RARB: variants seen among roughly 807,000 people sequenced by gnomAD.
RARB encodes retinoic acid receptor beta.
Under a neutral mutation model 51.9 loss-of-function variants are expected in RARB, and 17 were observed. That is an observed-to-expected ratio of 0.33 (90% CI 0.22 to 0.49). The LOEUF (loss-of-function observed/expected upper bound fraction) is 0.49. Among genes scored for constraint, RARB ranks in the 20% least tolerant of loss-of-function variants. The pLI, the probability that RARB is intolerant of heterozygous loss-of-function variation, is 0.99. For synonymous variants in RARB, 215 were observed against 195.4 expected (o/e 1.10, Z -0.84); for missense variants, 369 against 550.8 (o/e 0.67, Z 3.30).
intron 2 of RARB, among the ~76,000 whole-genome samples, chr3:25,035,177 A>G (rs1040276842): frequency 6.6e-6 from 1 of 152,196 alleles, no homozygotes; most frequent in African/African-American, 2.4e-5. Flanking sequence ...GCTGCAGTGC[A>G]GTGACACCAT....
In RARB at chr3:25,380,675, C is replaced by T. The variant is rs185208381; in HGVS notation, c.179-80518C>T. ...GCGTTTCCTGTATTTTAAAAGATTGCGAAATATTCTAAAGATGAAGAAGAA... is the reference window on the plus strand; with the variant it reads ...GCGTTTCCTGTATTTTAAAAGATTGTGAAATATTCTAAAGATGAAGAAGAA... On this transcript the variant is annotated intron_variant, in intron 5 of 11. Coordinates refer to the RARB transcript ENST00000383772. Among the ~76,000 whole-genome samples, 181 of 152,126 alleles carry T rather than the reference C, an allele frequency of 1.2e-3. 2 individuals are homozygous for T. Among genetic ancestry groups the T allele is most frequent in the South Asian group, 0.01 (50 of 4,818 alleles).
intron 2 of RARB, among the ~76,000 whole-genome samples, chr3:25,002,834 G>C (rs1395904534): frequency 6.6e-6 from 1 of 151,786 alleles, no homozygotes; most frequent in East Asian, 1.9e-4. Context: ...ATAATATAGG[G>C]ATAATAAGAA....
intron 2 of RARB, among the ~76,000 whole-genome samples, chr3:24,982,280 C>G (rs1696694557): frequency 6.6e-6 from 1 of 152,214 alleles, no homozygotes; most frequent in African/African-American, 2.4e-5. Context: ...GGTGGGCTAC[C>G]TTGGCTTTCT....
At chr3:25,319,443 G>T (rs1704508859) in intron 5 of RARB, among the ~76,000 whole-genome samples, 1 of 152,172 alleles carries the variant, frequency 6.6e-6, no homozygotes, top group Admixed American at 6.5e-5. Flanking sequence ...TCTGACAGCT[G>T]CATTATGGGT....
chr3:24,975,997 C>G (rs553140452), intron 2 of RARB, among the ~76,000 whole-genome samples: 1 of 152,202 alleles, frequency 6.6e-6, no homozygotes, highest in South Asian at 2.1e-4. Flanking sequence ...TCAACTCCCA[C>G]TTATGAGTGA....
At chr3:25,061,320 A>T (rs1414479734) in intron 3 of RARB, among the ~76,000 whole-genome samples, 1 of 151,912 alleles carries the variant, frequency 6.6e-6, no homozygotes, top group African/African-American at 2.4e-5. Context: ...ACTGGGAAGA[A>T]ATAAGGAATT....
intron 5 of RARB, among the ~76,000 whole-genome samples, chr3:25,183,261 AT>A (rs1465370861): frequency 6.6e-6 from 1 of 152,082 alleles, no homozygotes; most frequent in Admixed American, 6.6e-5. Context: ...AATGAATAAT[AT>A]TTGAAGAAAG....
intron 5 of RARB, among the ~76,000 whole-genome samples, chr3:25,347,712 G>T (rs1403100425): frequency 6.6e-6 from 1 of 152,162 alleles, no homozygotes; most frequent in Non-Finnish European, 1.5e-5. Flanking sequence ...ATCCATACCA[G>T]TTTTCAGGAT....
chr3:25,249,736 C>T (rs1575256339), intron 5 of RARB, among the ~76,000 whole-genome samples: 2 of 100,068 alleles, frequency 2.0e-5, no homozygotes, highest in Admixed American at 1.2e-4. Flanking sequence ...TCTGTGATTT[C>T]CTTTCTTAGT....
intron 4 of RARB, among the ~76,000 whole-genome samples, chr3:25,168,694 C>A (rs1348625954): frequency 2.0e-5 from 3 of 151,960 alleles, no homozygotes; most frequent in Admixed American, 6.6e-5. Context: ...GGATATCTTC[C>A]AGAAAAGAGA....
At chr3:25,526,030 GAA>G (rs1482321425) in intron 3 of RARB, among the ~76,000 whole-genome samples, 3 of 152,182 alleles carry the variant, frequency 2.0e-5, no homozygotes, top group Non-Finnish European at 4.4e-5. Flanking sequence ...AGGCAACAAA[GAA>G]ATGCATAATT....
chr3:25,333,213 T>A (rs9852354), intron 5 of RARB, among the ~76,000 whole-genome samples: 1 of 151,704 alleles, frequency 6.6e-6, no homozygotes, highest in African/African-American at 2.4e-5. Flanking sequence ...GAGCCCGCAT[T>A]GCCAAGTCAA....
intron 5 of RARB, among the ~76,000 whole-genome samples, chr3:25,419,961 C>A (rs184482633): frequency 6.6e-6 from 1 of 151,808 alleles, no homozygotes; most frequent in Non-Finnish European, 1.5e-5. Flanking sequence ...GATATCTTCT[C>A]TAAGAGAAGC....
chr3:24,941,039 C>T (rs903628043), intron 2 of RARB, among the ~76,000 whole-genome samples: 1 of 152,044 alleles, frequency 6.6e-6, no homozygotes, highest in Non-Finnish European at 1.5e-5. Context: ...ATAGAACTCC[C>T]TTTCCATTAC....
chr3:25,086,033 T>C (rs751265916), intron 3 of RARB, among the ~76,000 whole-genome samples: 2 of 152,162 alleles, frequency 1.3e-5, no homozygotes, highest in Non-Finnish European at 2.9e-5. Flanking sequence ...TTTGCCATTC[T>C]CTATATCCCT....
chr3:24,995,497 G>A (rs1313560932), intron 2 of RARB, among the ~76,000 whole-genome samples: 3 of 151,926 alleles, frequency 2.0e-5, no homozygotes, highest in Non-Finnish European at 2.9e-5. Context: ...AGGACTTCCC[G>A]TACTGTGTAG....
chr3:25,088,707 A>G (rs1418433339), intron 3 of RARB, among the ~76,000 whole-genome samples: 1 of 152,172 alleles, frequency 6.6e-6, no homozygotes, highest in African/African-American at 2.4e-5. Context: ...TCTGAAGAAA[A>G]GTGAAGCTAT....
chr3:25,434,080 A>C (rs961729978), intron 1 of RARB, among the ~76,000 whole-genome samples: 1 of 152,214 alleles, frequency 6.6e-6, no homozygotes, highest in East Asian at 1.9e-4. Flanking sequence ...GGCGAGGATA[A>C]CAGGAACTGA....
intron 2 of RARB, among the ~76,000 whole-genome samples, chr3:24,891,576 G>C (rs1208971569): frequency 1.3e-5 from 2 of 152,108 alleles, no homozygotes; most frequent in Non-Finnish European, 2.9e-5. Context: ...TAAATATATA[G>C]TTAATATTTA....
Sources: gnomAD v4.1 joint callset for allele counts (sites outside exome capture counted in the v4.1 genomes callset) on GRCh38, gnomAD v4.1.1 for gene constraint, MANE v1.5 for transcripts, NCBI Gene and HGNC (gene_info 2026-07-23, HGNC 2026-07-21) for gene names.